Variants in ITPR2 observed in about 807,000 individuals in gnomAD.
ITPR2 encodes inositol 1,4,5-trisphosphate-gated calcium channel ITPR2.
ITPR2 carries 207 observed loss-of-function variants against 317.1 expected under a neutral mutation model. That is an observed-to-expected ratio of 0.65 (90% CI 0.58 to 0.73). ITPR2 has a LOEUF of 0.73. ITPR2 is among the 30% of genes least tolerant of loss of function. The pLI is 0.00. For missense variants in ITPR2, 2,613 were observed against 3,284.0 expected (o/e 0.80, Z 4.99); for synonymous variants, 1,156 against 1,149.1 (o/e 1.01, Z -0.12).
At position 26,487,190 on chromosome 12, in the gene ITPR2, T is replaced by C. The variant is rs375572383; in HGVS notation, c.5432A>G (p.Tyr1811Cys). Residue 1811 changes from tyrosine (Y) to cysteine (C), a missense_variant, in exon 40 of 57, where the codon TAT becomes TGT. Around this residue, in one of 9 missense-constraint regions of ITPR2, gnomAD observed 926 missense variants for 1,072.8 expected, o/e 0.86. Transcript: ENST00000381340. Reference protein sequence around the residue: ...KKSEKFFKVLYDRMKAAQKEI... With the variant: ...KKSEKFFKVLCDRMKAAQKEI... ...TTTCTGAGCAGCCTTCATTCGATCA[T>C]AGAGAACTTTAAAGAATTTTTCTGA... 7.4e-6 allele frequency: 12 copies of C among 1,612,096 alleles called. No homozygotes were observed. Among genetic ancestry groups the C allele is most frequent in the Admixed American group, 1.7e-5 (1 of 59,448 alleles).
At chr12:26,431,349 G>C (rs1184688262) in intron 48 of ITPR2, among the ~76,000 whole-genome samples, 1 of 152,172 alleles carries the variant, frequency 6.6e-6, no homozygotes, top group Non-Finnish European at 1.5e-5. Flanking sequence ...ATCTGGCGTG[G>C]CAGCTGTCAG....
intron 45 of ITPR2, among the ~76,000 whole-genome samples, chr12:26,457,548 G>A (rs1257339820): frequency 3.3e-5 from 5 of 152,208 alleles, no homozygotes; most frequent in Non-Finnish European, 2.9e-5. Context: ...TACAGAACGC[G>A]TGGATGAACA....
At chr12:26,411,817 G>A (rs1940560278) in intron 51 of ITPR2, among the ~76,000 whole-genome samples, 1 of 152,066 alleles carries the variant, frequency 6.6e-6, no homozygotes, top group Non-Finnish European at 1.5e-5. Context: ...ACTGAGGCAG[G>A]GACTGCTGCT....
chr12:26,595,253 T>C (rs80059554), intron 32 of ITPR2, among the ~76,000 whole-genome samples: 5,222 of 152,334 alleles, frequency 0.034, 144 homozygotes, highest in Middle Eastern at 0.061. Context: ...ATGAACACTT[T>C]ACCTATTGTC....
At chr12:26,751,869 A>C (rs1949428684) in intron 2 of ITPR2, among the ~76,000 whole-genome samples, 1 of 151,662 alleles carries the variant, frequency 6.6e-6, no homozygotes, top group Non-Finnish European at 1.5e-5. Flanking sequence ...CTATCTAAAA[A>C]AAAAAAAAAA....
intron 13 of ITPR2, among the ~76,000 whole-genome samples, chr12:26,667,830 G>A (rs763761716): frequency 2.6e-5 from 4 of 151,966 alleles, no homozygotes; most frequent in Non-Finnish European, 4.4e-5. Flanking sequence ...ACTACAGATC[G>A]CTCTGTTTCA....
chr12:26,800,778 A>G (rs1950542296), intron 1 of ITPR2: 1 of 152,228 alleles, frequency 6.6e-6, no homozygotes, highest in African/African-American at 2.4e-5. Flanking sequence ...ATACAAAAGA[A>G]GGTTAAGGTA....
At chr12:26,774,653 A>G (rs1949926077) in intron 2 of ITPR2, among the ~76,000 whole-genome samples, 1 of 152,218 alleles carries the variant, frequency 6.6e-6, no homozygotes, top group Admixed American at 6.5e-5. Flanking sequence ...CTTTCAATTA[A>G]AGAAACAGAT....
intron 55 of ITPR2, among the ~76,000 whole-genome samples, chr12:26,374,692 T>C (rs1314402413): frequency 1.3e-5 from 2 of 152,140 alleles, no homozygotes; most frequent in South Asian, 2.1e-4. Context: ...GGAATCCTAG[T>C]AAAGGGGAGT....
intron 47 of ITPR2, among the ~76,000 whole-genome samples, chr12:26,437,610 G>T (rs911945622): frequency 2.0e-5 from 3 of 152,106 alleles, no homozygotes; most frequent in Admixed American, 2.0e-4. Flanking sequence ...ATTAGACTCT[G>T]CCTATAGCCT....
At chr12:26,429,264 G>C (rs564229256) in intron 48 of ITPR2, among the ~76,000 whole-genome samples, 1 of 152,206 alleles carries the variant, frequency 6.6e-6, no homozygotes, top group Non-Finnish European at 1.5e-5. Context: ...CTTTTGCAAG[G>C]TTTGTTCTTA....
chr12:26,541,732 A>G (rs911749098), intron 37 of ITPR2, among the ~76,000 whole-genome samples: 2 of 152,242 alleles, frequency 1.3e-5, no homozygotes, highest in African/African-American at 2.4e-5. Flanking sequence ...TGACACATGC[A>G]TATTTGATGT....
intron 11 of ITPR2, among the ~76,000 whole-genome samples, chr12:26,683,949 A>G (rs1248870846): frequency 6.6e-6 from 1 of 152,248 alleles, no homozygotes; most frequent in Non-Finnish European, 1.5e-5. Flanking sequence ...CTTAAAACAT[A>G]AGGTAAAAAG....
chr12:26,705,638 T>C (rs1948537057), intron 9 of ITPR2, among the ~76,000 whole-genome samples: 1 of 152,206 alleles, frequency 6.6e-6, no homozygotes, highest in African/African-American at 2.4e-5. Context: ...ATAATCAAAT[T>C]TGAATGGATT....
At position 26,441,980 on chromosome 12, in the gene ITPR2, C is replaced by T. The variant is rs185466736; in HGVS notation, c.6450+1563G>A. Among the ~76,000 whole-genome samples, 18 of 152,110 alleles carry T rather than the reference C, an allele frequency of 1.2e-4. No homozygotes were observed. The East Asian group carries it at 2.9e-3, about 24-fold the overall frequency. On this transcript the variant is annotated intron_variant, in intron 46 of 56. Transcript: ENST00000381340. ...TATGTATGTATCTGCATCTATGTAT[C>T]TATGTATTTTCCAGTCCAGCCATCT...
intron 55 of ITPR2, among the ~76,000 whole-genome samples, chr12:26,379,860 C>A (rs1268724693): frequency 6.6e-6 from 1 of 152,226 alleles, no homozygotes; most frequent in East Asian, 1.9e-4. Context: ...ACTTCAGATT[C>A]ATATGCTCAG....
At chr12:26,479,737 A>G (rs1411873428) in intron 43 of ITPR2, among the ~76,000 whole-genome samples, 1 of 152,172 alleles carries the variant, frequency 6.6e-6, no homozygotes, top group Non-Finnish European at 1.5e-5. Context: ...TATACACATT[A>G]CAACTGAAAA....
intron 2 of ITPR2, among the ~76,000 whole-genome samples, chr12:26,767,761 C>T (rs1158977953): frequency 2.6e-5 from 4 of 152,142 alleles, no homozygotes; most frequent in Admixed American, 6.5e-5. Flanking sequence ...GAATAAATTA[C>T]GATGTATTAA....
At chr12:26,764,797 G>A (rs1250215494) in intron 2 of ITPR2, among the ~76,000 whole-genome samples, 4 of 151,726 alleles carry the variant, frequency 2.6e-5, no homozygotes, top group Non-Finnish European at 4.4e-5. Context: ...TAAAACAAAT[G>A]AACAAATAAA....
Sources: allele counts gnomAD v4.1 joint callset (sites outside exome capture counted in the v4.1 genomes callset), GRCh38; gene constraint gnomAD v4.1.1; regional missense constraint gnomAD v4.1.1; transcripts MANE v1.5; gene names NCBI Gene and HGNC (gene_info 2026-07-23, HGNC 2026-07-21).